The following WDPCP variants were observed in gnomAD, a reference collection of about 807,000 sequenced individuals.
The protein encoded by WDPCP is WD repeat containing planar cell polarity effector, also known as WD repeat-containing and planar cell polarity effector protein fritz homolog.
WDPCP carries 71 observed loss-of-function variants against 93.1 expected under a neutral mutation model. The observed-to-expected ratio is 0.76, with a 90% CI of 0.63 to 0.93. The LOEUF is 0.93. Ranked by LOEUF, WDPCP falls within the 40% of genes least tolerant of loss-of-function variation. The pLI is 0.00. For missense variants in WDPCP, 844 were observed against 887.4 expected, an observed-to-expected ratio of 0.95 and a Z score of 0.62; for synonymous variants, 315 against 315.0, an observed-to-expected ratio of 1.00 and a Z score of 0.00.
intron 2 of WDPCP, among the ~76,000 whole-genome samples, chr2:63,652,746 GCT>G (rs770430640): frequency 1.6e-5 from 2 of 127,960 alleles, no homozygotes; most frequent in Non-Finnish European, 3.2e-5. Context: ...AAGTTAAACT[GCT>G]CTTAGTACCT....
chr2:63,810,113 G>A (rs569962447), intron 2 of WDPCP, among the ~76,000 whole-genome samples: 1 of 152,216 alleles, frequency 6.6e-6, no homozygotes, highest in South Asian at 2.1e-4. Flanking sequence ...AGCACCTAAA[G>A]ACCTGGTGAA....
At chr2:63,793,844 A>C (rs1412714825) in intron 2 of WDPCP, among the ~76,000 whole-genome samples, 1 of 150,624 alleles carries the variant, frequency 6.6e-6, no homozygotes, top group Non-Finnish European at 1.5e-5. Context: ...AGAAATCTCA[A>C]TTTTGTAAAA....
intron 2 of WDPCP, among the ~76,000 whole-genome samples, chr2:63,742,914 A>G (rs1202274138): frequency 2.0e-5 from 3 of 151,914 alleles, no homozygotes; most frequent in East Asian, 1.9e-4. Flanking sequence ...TGAAAATTTA[A>G]TAAGAAAGGC....
chr2:63,250,983 A>C (rs1460512537), intron 14 of WDPCP, among the ~76,000 whole-genome samples: 2 of 152,192 alleles, frequency 1.3e-5, no homozygotes, highest in Admixed American at 6.5e-5. Context: ...AGATCTCTCC[A>C]AAGTTTATAG....
At chr2:63,698,512 T>C (rs1668993958) in intron 2 of WDPCP, among the ~76,000 whole-genome samples, 1 of 152,178 alleles carries the variant, frequency 6.6e-6, no homozygotes, top group Non-Finnish European at 1.5e-5. Flanking sequence ...ACCTGGAGCC[T>C]CTAGAATCTA....
intron 1 of WDPCP, among the ~76,000 whole-genome samples, chr2:63,557,645 G>A (rs943845207): frequency 9.2e-5 from 14 of 151,986 alleles, no homozygotes; most frequent in Admixed American, 2.6e-4. Flanking sequence ...GGATCAAGTA[G>A]ACTTGACAGA....
rs373528379 is a variant in WDPCP, at chr2:63,218,315, G to A, written c.1915+40992C>T. 3.5e-4 allele frequency among the ~76,000 whole-genome samples: 53 copies of A among 152,020 alleles called. 2 individuals carry two copies. In the South Asian group the frequency reaches 9.1e-3, roughly 26 times the overall value. On this transcript the variant is annotated intron_variant, in intron 14 of 17. Transcript: ENST00000272321. ...TTACTTTTATTAGAAATATGATAGC[G>A]TTATCTTATATTCAGGAAGGGATAT...
At chr2:63,334,875 C>G (rs923986695) in intron 12 of WDPCP, among the ~76,000 whole-genome samples, 1 of 152,102 alleles carries the variant, frequency 6.6e-6, no homozygotes, top group Admixed American at 6.6e-5. Flanking sequence ...AATTTGCCCA[C>G]GAGGAAATTT....
At chr2:63,481,882 A>G (rs1276626039) in intron 6 of WDPCP, among the ~76,000 whole-genome samples, 1 of 151,856 alleles carries the variant, frequency 6.6e-6, no homozygotes, top group Non-Finnish European at 1.5e-5. Flanking sequence ...TCCCCCAAAA[A>G]CCTATGGAAA....
At chr2:63,531,543 G>C (rs1213329711) in intron 1 of WDPCP, among the ~76,000 whole-genome samples, 1 of 152,162 alleles carries the variant, frequency 6.6e-6, no homozygotes, top group African/African-American at 2.4e-5. Context: ...ATGCTGTTCT[G>C]CAGCCTCCAC....
At chr2:63,651,179 T>C (rs1710105007) in intron 2 of WDPCP, among the ~76,000 whole-genome samples, 1 of 152,316 alleles carries the variant, frequency 6.6e-6, no homozygotes, top group Middle Eastern at 3.4e-3. Flanking sequence ...CTGGAATGTT[T>C]AGAGAGGAAA....
intron 1 of WDPCP, among the ~76,000 whole-genome samples, chr2:63,559,131 T>C (rs1320521375): frequency 1.3e-5 from 2 of 152,100 alleles, no homozygotes; most frequent in Admixed American, 6.5e-5. Context: ...GTTCAACATA[T>C]GCAAATCAGT....
chr2:63,479,702 A>G (rs1161776982), intron 6 of WDPCP, among the ~76,000 whole-genome samples: 1 of 152,204 alleles, frequency 6.6e-6, no homozygotes, highest in African/African-American at 2.4e-5. Context: ...CACAGCCAAC[A>G]TAATACTGAA....
intron 14 of WDPCP, 127 bp from the exon 15 acceptor site, chr2:63,174,959 CT>C: frequency 9.9e-7 from 1 of 1,007,660 alleles, no homozygotes; most frequent in Non-Finnish European, 1.5e-6. Flanking sequence ...ATTTCAAAAT[CT>C]TGTTGTCCTA....
chr2:63,214,038 G>C (rs1009501850), intron 14 of WDPCP, among the ~76,000 whole-genome samples: 1 of 152,178 alleles, frequency 6.6e-6, no homozygotes. Context: ...AATTCTACCT[G>C]AGGTACAAAG....
chr2:63,566,066 C>T (rs987481787), intron 1 of WDPCP, among the ~76,000 whole-genome samples: 11 of 152,192 alleles, frequency 7.2e-5, no homozygotes, highest in Admixed American at 4.6e-4. Context: ...TCTTCTCCAA[C>T]CTCAAATTCT....
intron 1 of WDPCP, among the ~76,000 whole-genome samples, chr2:63,536,683 G>A (rs996313677): frequency 6.7e-6 from 1 of 148,810 alleles, no homozygotes; most frequent in Non-Finnish European, 1.5e-5. Flanking sequence ...CAGAACATAA[G>A]ACGGATTAAT....
intron 13 of WDPCP, among the ~76,000 whole-genome samples, chr2:63,299,017 C>T (rs1468716871): frequency 1.3e-5 from 2 of 152,200 alleles, no homozygotes; most frequent in Non-Finnish European, 2.9e-5. Flanking sequence ...GGCTTGTCTA[C>T]CTGTTGATTT....
intron 1 of WDPCP, among the ~76,000 whole-genome samples, chr2:63,573,238 C>T (rs1282759020): frequency 2.0e-5 from 3 of 149,450 alleles, no homozygotes; most frequent in African/African-American, 7.4e-5. Flanking sequence ...GCAAGACCTG[C>T]CTCAAAAAAA....
Sources: allele counts gnomAD v4.1 joint callset (sites outside exome capture counted in the v4.1 genomes callset), GRCh38; gene constraint gnomAD v4.1.1; transcripts MANE v1.5; gene names NCBI Gene and HGNC (gene_info 2026-07-23, HGNC 2026-07-21).